The following TBC1D5 variants were observed in gnomAD, a reference collection of about 807,000 sequenced individuals.
The protein encoded by TBC1D5 is TBC1 domain family member 5, also known as TBC1 domain family, member 5.
Under a neutral mutation model 100.3 loss-of-function variants are expected in TBC1D5, and 75 were observed. The observed-to-expected ratio is 0.75, with a 90% CI of 0.62 to 0.91. The LOEUF (loss-of-function observed/expected upper bound fraction) is 0.91, where lower values mean the gene tolerates loss of function less well. Among genes scored for constraint, TBC1D5 ranks in the 40% least tolerant of loss-of-function variants. The pLI is 0.00. For missense variants in TBC1D5, 910 were observed against 942.4 expected (o/e 0.97, Z 0.45); for synonymous variants, 323 against 325.6 (o/e 0.99, Z 0.09).
At chr3:17,518,102 T>C (rs1258866784) in intron 2 of TBC1D5, among the ~76,000 whole-genome samples, 1 of 152,062 alleles carries the variant, frequency 6.6e-6, no homozygotes, top group East Asian at 1.9e-4. Flanking sequence ...ATAAAAACAG[T>C]AGAGTAGGAA....
chr3:17,254,264 T>C (rs2348005), intron 16 of TBC1D5, among the ~76,000 whole-genome samples: 78,613 of 152,074 alleles, frequency 0.52, 20,940 homozygotes, highest in East Asian at 0.8. Flanking sequence ...ACAGGATATA[T>C]GTTTAACTTC....
At chr3:17,243,776 T>C (rs1352720657) in intron 16 of TBC1D5, among the ~76,000 whole-genome samples, 1 of 152,164 alleles carries the variant, frequency 6.6e-6, no homozygotes, top group Non-Finnish European at 1.5e-5. Flanking sequence ...AAGACTAATA[T>C]GAGCTCACAG....
chr3:17,166,537 G>C (rs2066615539), intron 21 of TBC1D5, among the ~76,000 whole-genome samples: 1 of 152,182 alleles, frequency 6.6e-6, no homozygotes, highest in African/African-American at 2.4e-5. Flanking sequence ...GGTTTGTAGG[G>C]CACGCACCGC....
chr3:17,377,632 T>G (rs1256685101), intron 9 of TBC1D5, among the ~76,000 whole-genome samples: 1 of 151,988 alleles, frequency 6.6e-6, no homozygotes, highest in Non-Finnish European at 1.5e-5. Context: ...ATTTTGCTGG[T>G]AGAATTAGAG....
chr3:17,461,999 A>G (rs940579764), intron 3 of TBC1D5, among the ~76,000 whole-genome samples: 1 of 152,178 alleles, frequency 6.6e-6, no homozygotes, highest in Non-Finnish European at 1.5e-5. Context: ...GCAAATTTCA[A>G]CCCAGTCTTT....
At chr3:17,663,203 T>G (rs2066839947) in intron 1 of TBC1D5, 1 of 152,152 alleles carries the variant, frequency 6.6e-6, no homozygotes, top group African/African-American at 2.4e-5. Context: ...TAGGTATTTT[T>G]TAAGTTTTAA....
chr3:17,654,682 G>A (rs2065891554), intron 1 of TBC1D5, among the ~76,000 whole-genome samples: 1 of 152,204 alleles, frequency 6.6e-6, no homozygotes, highest in Non-Finnish European at 1.5e-5. Flanking sequence ...CATAAAATGA[G>A]TTAGGGAGGA....
At chr3:17,728,283 A>G (rs904152746) in intron 1 of TBC1D5, among the ~76,000 whole-genome samples, 3 of 152,234 alleles carry the variant, frequency 2.0e-5, no homozygotes, top group Non-Finnish European at 4.4e-5. Flanking sequence ...CAAAGGAATT[A>G]GATAAGCCAA....
At chr3:17,211,144 A>G (rs1474534565) in intron 18 of TBC1D5, among the ~76,000 whole-genome samples, 2 of 152,170 alleles carry the variant, frequency 1.3e-5, no homozygotes, top group Non-Finnish European at 2.9e-5. Context: ...TGTTCATATA[A>G]AATAGTATGA....
chr3:17,667,456 T>C (rs2067393639), intron 1 of TBC1D5, among the ~76,000 whole-genome samples: 1 of 152,086 alleles, frequency 6.6e-6, no homozygotes, highest in South Asian at 2.1e-4. Flanking sequence ...AGAAAAAATT[T>C]TTTTTCTTTT....
chr3:17,454,328 A>C (rs1031433888), intron 3 of TBC1D5, among the ~76,000 whole-genome samples: 24 of 152,148 alleles, frequency 1.6e-4, no homozygotes, highest in Non-Finnish European at 5.9e-5. Flanking sequence ...AAAACAGCAA[A>C]TTATCCTTGT....
chr3:17,450,948 T>C (rs968264403), intron 3 of TBC1D5, among the ~76,000 whole-genome samples: 1 of 151,798 alleles, frequency 6.6e-6, no homozygotes, highest in Non-Finnish European at 1.5e-5. Flanking sequence ...TTCACCAAGG[T>C]TGAAATGAAG....
intron 1 of TBC1D5, among the ~76,000 whole-genome samples, chr3:17,728,111 A>T (rs1199708814): frequency 1.3e-5 from 2 of 152,184 alleles, no homozygotes; most frequent in Non-Finnish European, 2.9e-5. Flanking sequence ...ATTATGTTAT[A>T]TGTGATTTTA....
chr3:17,655,311 TG>T (rs2065955057), intron 1 of TBC1D5, among the ~76,000 whole-genome samples: 2 of 61,968 alleles, frequency 3.2e-5, no homozygotes, highest in African/African-American at 6.7e-5. Flanking sequence ...TGTTGTGGGG[TG>T]GGGGGAGGGG....
At chr3:17,616,658 CTT>C (rs1224699935) in intron 2 of TBC1D5, among the ~76,000 whole-genome samples, 1 of 152,046 alleles carries the variant, frequency 6.6e-6, no homozygotes, top group Non-Finnish European at 1.5e-5. Flanking sequence ...TTCTTTGTCT[CTT>C]TGGATCTTTA....
At chr3:17,182,262 A>C (rs1440792323) in intron 19 of TBC1D5, among the ~76,000 whole-genome samples, 1 of 152,164 alleles carries the variant, frequency 6.6e-6, no homozygotes, top group East Asian at 1.9e-4. Flanking sequence ...CAGTCATGCT[A>C]TTTATATGAG....
chr3:17,586,509 G>C (rs2096734009), intron 2 of TBC1D5: 1 of 151,936 alleles, frequency 6.6e-6, no homozygotes, highest in Non-Finnish European at 1.5e-5. Context: ...AAGAAACAGA[G>C]ACAAACTAAG....
chr3:17,362,309 T>A (rs772786079), intron 13 of TBC1D5, among the ~76,000 whole-genome samples: 1 of 152,170 alleles, frequency 6.6e-6, no homozygotes, highest in Admixed American at 6.5e-5. Flanking sequence ...GTTTGCTCTA[T>A]GAAAGACATG....
chr3:17,508,731 G>C (rs906184392), intron 2 of TBC1D5, 126 bp from the exon 3 acceptor site: 1 of 438,512 alleles, frequency 2.3e-6, no homozygotes. Context: ...AGGCTCCAGG[G>C]ACTGTTATCT....
Sources: allele counts gnomAD v4.1 joint callset (sites outside exome capture counted in the v4.1 genomes callset), GRCh38; gene constraint gnomAD v4.1.1; transcripts MANE v1.5; gene names NCBI Gene and HGNC (gene_info 2026-07-23, HGNC 2026-07-21).